NEGR1: variants seen among roughly 807,000 people sequenced by gnomAD.
NEGR1 encodes the protein neuronal growth regulator 1.
Under a neutral mutation model 40.9 loss-of-function variants are expected in NEGR1, and 10 were observed. The observed-to-expected ratio is 0.24, with a 90% CI of 0.15 to 0.42. The LOEUF is 0.42. NEGR1 is among the 10% of genes least tolerant of loss of function. The pLI is 1.00. For missense variants in NEGR1, 352 were observed against 438.9 expected, an observed-to-expected ratio of 0.80 and a Z score of 1.77; for synonymous variants, 185 against 166.8, an observed-to-expected ratio of 1.11 and a Z score of -0.84.
chr1:71,596,478 A>G (rs996327611), intron 5 of NEGR1, among the ~76,000 whole-genome samples: 1 of 152,226 alleles, frequency 6.6e-6, no homozygotes, highest in African/African-American at 2.4e-5. Context: ...GCTGATAACT[A>G]CAGATACTTA....
intron 2 of NEGR1, among the ~76,000 whole-genome samples, chr1:71,844,365 A>C (rs1240201918): frequency 6.6e-6 from 1 of 152,162 alleles, no homozygotes; most frequent in Non-Finnish European, 1.5e-5. Flanking sequence ...ACAGTGTTTA[A>C]TGTTCCCTAA....
At chr1:71,590,709 T>C (rs1649469184) in intron 6 of NEGR1, among the ~76,000 whole-genome samples, 2 of 152,134 alleles carry the variant, frequency 1.3e-5, no homozygotes, top group South Asian at 2.1e-4. Context: ...CAAGTTTATA[T>C]AAAAAATAAG....
intron 6 of NEGR1, among the ~76,000 whole-genome samples, chr1:71,458,042 T>A (rs1646686698): frequency 6.6e-6 from 1 of 152,150 alleles, no homozygotes; most frequent in South Asian, 2.1e-4. Flanking sequence ...TCAAAGAAGT[T>A]ATGTCTCTAA....
At chr1:72,014,358 A>T (rs1351896640) in intron 1 of NEGR1, among the ~76,000 whole-genome samples, 1 of 152,066 alleles carries the variant, frequency 6.6e-6, no homozygotes. Context: ...TATTGAATCT[A>T]GGACTGTTGA....
At chr1:71,720,401 T>C (rs990551574) in intron 3 of NEGR1, among the ~76,000 whole-genome samples, 1 of 152,196 alleles carries the variant, frequency 6.6e-6, no homozygotes, top group East Asian at 1.9e-4. Context: ...GCATGGGTGA[T>C]GGGCATCAAA....
chr1:71,464,167 GA>G (rs994631468), intron 6 of NEGR1, among the ~76,000 whole-genome samples: 18 of 152,146 alleles, frequency 1.2e-4, no homozygotes, highest in East Asian at 9.7e-4. Flanking sequence ...AGGAAAGGGG[GA>G]AAAAAGTATC....
chr1:72,202,329 C>G lies in NEGR1; in HGVS notation c.176+79990G>C, dbSNP rs1477223177. ...ATATTAAAATTAGGCCAGTTAATAA[C>G]CCAAAAACAGCCTCTGAGTGTTAAA... On this transcript the variant is annotated intron_variant, in intron 1 of 6. Coordinates refer to ENST00000357731, the MANE Select transcript of NEGR1 (RefSeq NM_173808.3). Among the ~76,000 whole-genome samples the G allele has an allele frequency of 6.6e-5, 10 of 151,822 alleles. No individual in the cohort carries two copies. The East Asian group carries it at 1.9e-3, about 29-fold the overall frequency.
intron 6 of NEGR1, among the ~76,000 whole-genome samples, chr1:71,571,412 C>A (rs963347028): frequency 6.6e-6 from 1 of 152,132 alleles, no homozygotes; most frequent in African/African-American, 2.4e-5. Context: ...ATATGATTGA[C>A]CAAATTGATT....
chr1:71,903,179 GC>G (rs1314055339), intron 2 of NEGR1, among the ~76,000 whole-genome samples: 2 of 151,848 alleles, frequency 1.3e-5, no homozygotes. Flanking sequence ...TATAACTCAA[GC>G]TCTCACCCAC....
intron 2 of NEGR1, among the ~76,000 whole-genome samples, chr1:71,923,523 C>T (rs1252292782): frequency 1.3e-5 from 2 of 152,038 alleles, no homozygotes; most frequent in African/African-American, 4.8e-5. Flanking sequence ...ATTAGTTTTC[C>T]TATTGGCTGC....
chr1:71,930,154 A>AT (rs376411860), intron 2 of NEGR1, among the ~76,000 whole-genome samples: 18 of 150,530 alleles, frequency 1.2e-4, no homozygotes, highest in South Asian at 8.4e-4. Context: ...TTATTTTTAA[A>AT]TTTTTTTTTT....
intron 3 of NEGR1, among the ~76,000 whole-genome samples, chr1:71,705,177 A>G (rs574214776): frequency 6.6e-6 from 1 of 152,272 alleles, no homozygotes; most frequent in Non-Finnish European, 1.5e-5. Context: ...ATGTTTTCTT[A>G]CTAATATGAG....
chr1:71,505,642 A>G (rs936438186), intron 6 of NEGR1, among the ~76,000 whole-genome samples: 1 of 152,164 alleles, frequency 6.6e-6, no homozygotes, highest in Non-Finnish European at 1.5e-5. Flanking sequence ...GGTGGATCTA[A>G]ACGATGCATT....
chr1:71,588,967 TGTC>T (rs1222243180), intron 6 of NEGR1, among the ~76,000 whole-genome samples: 1 of 152,140 alleles, frequency 6.6e-6, no homozygotes, highest in Non-Finnish European at 1.5e-5. Flanking sequence ...ACATCAGCCT[TGTC>T]TTCTTCTTTT....
chr1:72,173,888 A>AGCTT (rs1470632320), intron 1 of NEGR1, among the ~76,000 whole-genome samples: 1 of 152,152 alleles, frequency 6.6e-6, no homozygotes, highest in African/African-American at 2.4e-5. Flanking sequence ...GATTGCAGTG[A>AGCTT]GCCAAGATCA....
At chr1:71,934,946 T>C (rs1337332909) in intron 2 of NEGR1, 133 bp downstream of exon 2, 1 of 640,374 alleles carries the variant, frequency 1.6e-6, no homozygotes, top group East Asian at 2.7e-5. Flanking sequence ...ACTATGACAA[T>C]ATAATTCAAC....
chr1:71,676,005 C>G (rs1652622217), intron 4 of NEGR1, among the ~76,000 whole-genome samples: 1 of 152,068 alleles, frequency 6.6e-6, no homozygotes, highest in Admixed American at 6.6e-5. Context: ...AGGTGTTTGA[C>G]TTCCACCATG....
chr1:71,416,638 T>C (rs1164916139), intron 6 of NEGR1, among the ~76,000 whole-genome samples: 1 of 152,218 alleles, frequency 6.6e-6, no homozygotes, highest in Non-Finnish European at 1.5e-5. Context: ...TTTTAAATCC[T>C]TAATAAAATC....
intron 2 of NEGR1, among the ~76,000 whole-genome samples, chr1:71,863,423 A>G (rs2101825509): frequency 6.6e-6 from 1 of 152,210 alleles, no homozygotes; most frequent in East Asian, 1.9e-4. Context: ...AGAAAGGGGA[A>G]CAACACACAC....
Sources: gnomAD v4.1 joint callset for allele counts (sites outside exome capture counted in the v4.1 genomes callset) on GRCh38, gnomAD v4.1.1 for gene constraint, MANE v1.5 for transcripts, NCBI Gene and HGNC (gene_info 2026-07-23, HGNC 2026-07-21) for gene names.